SLC30A8: variants seen among roughly 807,000 people sequenced by gnomAD.
SLC30A8 encodes the protein solute carrier family 30 member 8.
SLC30A8 carries 27 observed loss-of-function variants against 36.9 expected under a neutral mutation model. The observed-to-expected ratio is 0.73, with a 90% CI of 0.54 to 1.01. The LOEUF (loss-of-function observed/expected upper bound fraction) is 1.01. Ranked by LOEUF, SLC30A8 falls within the 50% of genes least tolerant of loss-of-function variation. The pLI is 0.00. For missense variants in SLC30A8, 439 were observed against 452.0 expected, an observed-to-expected ratio of 0.97 and a Z score of 0.26; for synonymous variants, 164 against 172.4, an observed-to-expected ratio of 0.95 and a Z score of 0.38.
chr8:117,149,129 G>A (rs1232854980), intron 2 of SLC30A8, among the ~76,000 whole-genome samples: 1 of 152,162 alleles, frequency 6.6e-6, no homozygotes, highest in East Asian at 1.9e-4. Context: ...TAAGCAAAAT[G>A]CTTCTTGAAG....
At chr8:116,983,645 T>C (rs768420994) in intron 1 of SLC30A8, among the ~76,000 whole-genome samples, 3 of 152,162 alleles carry the variant, frequency 2.0e-5, no homozygotes, top group Non-Finnish European at 4.4e-5. Flanking sequence ...TTTTTCTATG[T>C]TATTTGCTTT....
chr8:117,117,594 C>T (rs1459861318), intron 2 of SLC30A8, among the ~76,000 whole-genome samples: 2 of 151,730 alleles, frequency 1.3e-5, no homozygotes, highest in East Asian at 1.9e-4. Flanking sequence ...CAGATGAATC[C>T]CCCAGATGTA....
intron 1 of SLC30A8, among the ~76,000 whole-genome samples, chr8:117,138,252 C>T (rs1363932880): frequency 6.6e-6 from 1 of 151,780 alleles, no homozygotes; most frequent in East Asian, 2.0e-4. Context: ...CTGCTAGAAC[C>T]TTTACAACAA....
intron 6 of SLC30A8, among the ~76,000 whole-genome samples, chr8:117,169,716 G>C (rs973547133): frequency 6.6e-6 from 1 of 152,032 alleles, no homozygotes; most frequent in Non-Finnish European, 1.5e-5. Context: ...AAAGGCAAAG[G>C]GGGAGAAGGC....
At chr8:117,106,101 G>A (rs1298622753) in intron 2 of SLC30A8, among the ~76,000 whole-genome samples, 4 of 152,018 alleles carry the variant, frequency 2.6e-5, no homozygotes, top group Non-Finnish European at 4.4e-5. Context: ...AACATTTGTA[G>A]AAGGCCACCA....
chr8:117,065,761 AAGAG>A (rs944521837), intron 2 of SLC30A8, among the ~76,000 whole-genome samples: 1 of 152,100 alleles, frequency 6.6e-6, no homozygotes, highest in South Asian at 2.1e-4. Context: ...CAGGAGGAAA[AAGAG>A]AGAGCTCAGT....
At position 117,153,014 on chromosome 8, in the gene SLC30A8, C is replaced by T. The variant is rs267601739; in HGVS notation, c.342C>T (p.Phe114=). Residue 114 remains phenylalanine, a synonymous_variant, in exon 3 of 8, where the codon TTC becomes TTT. Transcript: ENST00000456015. ...AAHLLIDLTS[F]LLSLFSLWLS... Reference sequence around the variant, plus strand: ...ACCTCTTAATTGACCTGACCAGTTTCCTGCTCAGTCTCTTCTCCCTGTGGT... The same window carrying T: ...ACCTCTTAATTGACCTGACCAGTTTTCTGCTCAGTCTCTTCTCCCTGTGGT... 5.0e-6 allele frequency: 8 copies of T among 1,613,682 alleles called. No individual in the cohort carries two copies. The highest frequency in any genetic ancestry group is 2.2e-5 in the South Asian group (2 of 91,018).
At chr8:116,992,934 C>T (rs1056396434) in intron 1 of SLC30A8, among the ~76,000 whole-genome samples, 2 of 151,896 alleles carry the variant, frequency 1.3e-5, no homozygotes, top group Non-Finnish European at 2.9e-5. Context: ...CACAAGAATA[C>T]AGAGCCTACG....
intron 1 of SLC30A8, among the ~76,000 whole-genome samples, chr8:117,033,052 G>A (rs1261379230): frequency 6.6e-6 from 1 of 152,180 alleles, no homozygotes; most frequent in African/African-American, 2.4e-5. Flanking sequence ...CTGTGCAGAT[G>A]TATTAAAATT....
chr8:117,121,823 G>T (rs918287287), intron 2 of SLC30A8, among the ~76,000 whole-genome samples: 1 of 151,852 alleles, frequency 6.6e-6, no homozygotes, highest in African/African-American at 2.4e-5. Flanking sequence ...AATGATAGTT[G>T]CCGGGGATTG....
intron 1 of SLC30A8, among the ~76,000 whole-genome samples, chr8:116,992,820 A>G (rs952950635): frequency 6.6e-6 from 1 of 152,226 alleles, no homozygotes; most frequent in South Asian, 2.1e-4. Flanking sequence ...ATTTGCAGCC[A>G]TGGGGTAGCA....
At chr8:117,030,003 G>A (rs1052262267) in intron 1 of SLC30A8, among the ~76,000 whole-genome samples, 1 of 152,028 alleles carries the variant, frequency 6.6e-6, no homozygotes, top group Non-Finnish European at 1.5e-5. Context: ...TTTTAAGTTT[G>A]ATGAAAATGT....
At chr8:117,058,383 T>A (rs967325535) in intron 2 of SLC30A8, among the ~76,000 whole-genome samples, 6 of 152,224 alleles carry the variant, frequency 3.9e-5, no homozygotes, top group African/African-American at 1.4e-4. Flanking sequence ...CTTTCTGGTT[T>A]AATGTAGTCC....
intron 1 of SLC30A8, among the ~76,000 whole-genome samples, chr8:117,020,358 T>C (rs376011333): frequency 2.6e-5 from 4 of 152,184 alleles, no homozygotes; most frequent in Non-Finnish European, 2.9e-5. Flanking sequence ...TTGGCAAACA[T>C]TGAAATTATG....
At chr8:117,012,193 A>G (rs1450143786) in intron 1 of SLC30A8, among the ~76,000 whole-genome samples, 1 of 152,170 alleles carries the variant, frequency 6.6e-6, no homozygotes, top group Non-Finnish European at 1.5e-5. Context: ...TTTGAAGAGT[A>G]TATACAAAAT....
At chr8:116,978,459 A>ATAAAAATGTCATAAAAC (rs5741672) in intron 1 of SLC30A8, among the ~76,000 whole-genome samples, 60,733 of 151,908 alleles carry the variant, frequency 0.4, 12,844 homozygotes, top group Admixed American at 0.51. Flanking sequence ...TTGATGCTTT[A>ATAAAAATGTCATAAAAC]TATAGTCTTT....
intron 2 of SLC30A8, among the ~76,000 whole-genome samples, chr8:117,150,210 A>G (rs1563628133): frequency 6.6e-6 from 1 of 152,230 alleles, no homozygotes; most frequent in African/African-American, 2.4e-5. Flanking sequence ...AGTATTCACA[A>G]AATAATTAAA....
chr8:117,018,278 A>G (rs538949954), intron 1 of SLC30A8: 1 of 152,330 alleles, frequency 6.6e-6, no homozygotes, highest in Non-Finnish European at 1.5e-5. Flanking sequence ...ACATACATAC[A>G]TACATAAAAT....
In SLC30A8 at chr8:117,135,350, A is replaced by G. The variant is rs758845299; in HGVS notation, c.23A>G (p.Tyr8Cys). The change falls in exon 1 of 8, where the codon TAT becomes TGT. Residue 8 changes from tyrosine (Y) to cysteine (C), a missense_variant. By Grantham distance (194) the Tyr-to-Cys change is radical. Transcript: ENST00000456015. ...GTCATGGAGTTTCTTGAAAGAACGT[A>G]TCTTGTGAATGATAAAGCTGCCAAG... is the stretch of plus-strand genomic sequence containing the variant. Reference protein sequence around the residue: MEFLERTYLVNDKAAKMY... With the variant: MEFLERTCLVNDKAAKMY... 1 of 1,599,988 alleles carries G rather than the reference A, an allele frequency of 6.3e-7. No homozygotes were observed. Among genetic ancestry groups the G allele is most frequent in the Non-Finnish European group, 8.5e-7 (1 of 1,171,474 alleles).
Sources: allele counts gnomAD v4.1 joint callset (sites outside exome capture counted in the v4.1 genomes callset), GRCh38; gene constraint gnomAD v4.1.1; transcripts MANE v1.5; gene names NCBI Gene and HGNC (gene_info 2026-07-23, HGNC 2026-07-21).